The following CACNB4 variants were observed in gnomAD, a reference collection of about 807,000 sequenced individuals.
The protein encoded by CACNB4 is voltage-dependent L-type calcium channel subunit beta-4.
A neutral mutation model predicts 71.2 loss-of-function variants in CACNB4; 32 were observed. The observed-to-expected ratio is 0.45, with a 90% CI of 0.34 to 0.60. CACNB4 has a LOEUF of 0.60. CACNB4 is among the 20% of genes least tolerant of loss of function. The pLI is 0.01. For missense variants in CACNB4, 464 were observed against 647.9 expected, an observed-to-expected ratio of 0.72 and a Z score of 3.08; for synonymous variants, 231 against 236.9, an observed-to-expected ratio of 0.97 and a Z score of 0.23.
At chr2:151,892,874 T>C (rs1222242968) in intron 2 of CACNB4, among the ~76,000 whole-genome samples, 1 of 152,210 alleles carries the variant, frequency 6.6e-6, no homozygotes, top group Non-Finnish European at 1.5e-5. Flanking sequence ...TCTTCCTGCC[T>C]CCAGGGGTTG....
intron 12 of CACNB4, 21 bp from the exon 13 acceptor site, chr2:151,842,109 C>A: frequency 1.2e-6 from 2 of 1,605,164 alleles, no homozygotes; most frequent in South Asian, 1.1e-5. Flanking sequence ...CAAGAAAATC[C>A]ACTTTACTTC....
intron 2 of CACNB4, among the ~76,000 whole-genome samples, chr2:152,035,321 G>C (rs537968535): frequency 6.6e-6 from 1 of 152,324 alleles, no homozygotes; most frequent in South Asian, 2.1e-4. Context: ...AGCACTTTGG[G>C]AGGCCAAGGC....
At chr2:152,009,065 C>A (rs1430389480) in intron 2 of CACNB4, among the ~76,000 whole-genome samples, 1 of 152,062 alleles carries the variant, frequency 6.6e-6, no homozygotes, top group Non-Finnish European at 1.5e-5. Context: ...GTGGCTCACA[C>A]CTTTAATCCC....
chr2:151,873,409 T>A (rs1029803516), intron 5 of CACNB4: 5 of 152,242 alleles, frequency 3.3e-5, no homozygotes, highest in African/African-American at 1.2e-4. Flanking sequence ...CCTTTGAGCA[T>A]CATGTCAGTC....
chr2:152,075,777 C>T (rs1022945617), intron 2 of CACNB4, among the ~76,000 whole-genome samples: 12 of 152,258 alleles, frequency 7.9e-5, no homozygotes, highest in African/African-American at 2.6e-4. Context: ...ATCTCAACTA[C>T]AGGAACTCAG....
chr2:151,840,026 C>T lies in CACNB4; in HGVS notation c.1303-647G>A, dbSNP rs114384463. Among the ~76,000 whole-genome samples the T allele has an allele frequency of 5.5e-3, 831 of 152,218 alleles. 6 individuals are homozygous for T. Among genetic ancestry groups the T allele is most frequent in the African/African-American group, 0.019 (778 of 41,522 alleles). ...CTGCAAAATAATCTTCCAATATAAACGAAATTCCTCTAATACCATTAATTG... is the reference window on the plus strand; with the variant it reads ...CTGCAAAATAATCTTCCAATATAAATGAAATTCCTCTAATACCATTAATTG... On this transcript the variant is annotated intron_variant, in intron 13 of 13. Transcript: ENST00000539935.
intron 2 of CACNB4, among the ~76,000 whole-genome samples, chr2:151,930,020 A>G (rs1000582553): frequency 6.6e-6 from 1 of 152,190 alleles, no homozygotes; most frequent in African/African-American, 2.4e-5. Flanking sequence ...ATTTATACAG[A>G]AAAATAAATT....
At chr2:151,969,701 C>T (rs2099872018) in intron 2 of CACNB4, 1 of 152,142 alleles carries the variant, frequency 6.6e-6, no homozygotes, top group Non-Finnish European at 1.5e-5. Context: ...AGTTCCACAG[C>T]TTATAGAAAA....
intron 2 of CACNB4, among the ~76,000 whole-genome samples, chr2:152,068,777 A>G (rs1449128119): frequency 6.6e-6 from 1 of 152,150 alleles, no homozygotes; most frequent in African/African-American, 2.4e-5. Context: ...ATCCACACCT[A>G]TGTTTTCTGG....
intron 2 of CACNB4, among the ~76,000 whole-genome samples, chr2:152,052,578 G>A (rs2105297914): frequency 6.6e-6 from 1 of 152,278 alleles, no homozygotes; most frequent in East Asian, 1.9e-4. Context: ...ACATGCATGA[G>A]CCACCACACC....
intron 10 of CACNB4, chr2:151,860,205 T>C (rs2099841286): frequency 5.8e-6 from 1 of 173,412 alleles, no homozygotes; most frequent in African/African-American, 2.4e-5. Flanking sequence ...TTCTCCATCA[T>C]GGGGAATTTT....
chr2:151,907,903 A>C (rs1336564402), intron 2 of CACNB4, among the ~76,000 whole-genome samples: 1 of 152,186 alleles, frequency 6.6e-6, no homozygotes, highest in Non-Finnish European at 1.5e-5. Context: ...AAAGAAACTG[A>C]GGTAGAGTAG....
intron 3 of CACNB4, among the ~76,000 whole-genome samples, chr2:151,882,836 G>T (rs940802812): frequency 6.6e-6 from 1 of 152,308 alleles, no homozygotes. Flanking sequence ...TACTGAAAGC[G>T]AGAGAGAAGA....
chr2:151,907,153 A>G (rs2099855038), intron 2 of CACNB4, among the ~76,000 whole-genome samples: 1 of 152,144 alleles, frequency 6.6e-6, no homozygotes, highest in Non-Finnish European at 1.5e-5. Context: ...CTTACAGGTA[A>G]TCAGAGAACA....
At chr2:151,932,176 TTAAA>T (rs1382988034) in intron 2 of CACNB4, among the ~76,000 whole-genome samples, 1 of 151,892 alleles carries the variant, frequency 6.6e-6, no homozygotes, top group Non-Finnish European at 1.5e-5. Flanking sequence ...TAAAAACATT[TTAAA>T]TAACTTTTAT....
chr2:151,996,043 A>AC (rs1682023744), intron 2 of CACNB4, among the ~76,000 whole-genome samples: 1 of 152,118 alleles, frequency 6.6e-6, no homozygotes, highest in Non-Finnish European at 1.5e-5. Flanking sequence ...GTTTGTTGTT[A>AC]TTTTTCCTAT....
At chr2:152,051,469 C>A (rs1560163187) in intron 2 of CACNB4, among the ~76,000 whole-genome samples, 2 of 152,202 alleles carry the variant, frequency 1.3e-5, no homozygotes, top group South Asian at 4.1e-4. Context: ...AGTGTGATGG[C>A]ATTTGGAGAT....
chr2:151,956,439 A>G (rs1407236490), intron 2 of CACNB4, among the ~76,000 whole-genome samples: 1 of 152,252 alleles, frequency 6.6e-6, no homozygotes. Context: ...AGAAGCCTAC[A>G]AAAGGCTGTC....
chr2:152,059,090 C>G (rs910783119), intron 2 of CACNB4, among the ~76,000 whole-genome samples: 3 of 152,218 alleles, frequency 2.0e-5, no homozygotes, highest in Non-Finnish European at 1.5e-5. Context: ...GTGGAAATGC[C>G]TGGATGTCCA....
Sources: allele counts gnomAD v4.1 joint callset (sites outside exome capture counted in the v4.1 genomes callset), GRCh38; gene constraint gnomAD v4.1.1; transcripts MANE v1.5; gene names NCBI Gene and HGNC (gene_info 2026-07-23, HGNC 2026-07-21).